Variants in MAGI2 observed in about 807,000 individuals in gnomAD.
The protein encoded by MAGI2 is membrane associated guanylate kinase, WW and PDZ domain containing 2.
MAGI2 carries 35 observed loss-of-function variants against 133.3 expected under a neutral mutation model. The ratio of observed to expected loss-of-function variants is 0.26; its 90% CI spans 0.20 to 0.35. MAGI2 has a LOEUF of 0.35. MAGI2 is among the 10% of genes least tolerant of loss of function. The pLI, the probability that MAGI2 is intolerant of heterozygous loss-of-function variation, is 1.00. For missense variants in MAGI2, 1,636 were observed against 1,863.4 expected, an observed-to-expected ratio of 0.88 and a Z score of 2.25; for synonymous variants, 729 against 710.6, an observed-to-expected ratio of 1.03 and a Z score of -0.41.
intron 1 of MAGI2, among the ~76,000 whole-genome samples, chr7:79,270,418 A>C (rs1414233222): frequency 6.6e-6 from 1 of 152,180 alleles, no homozygotes; most frequent in African/African-American, 2.4e-5. Flanking sequence ...TTCCTAACTG[A>C]GAGAAGTCAT....
intron 1 of MAGI2, among the ~76,000 whole-genome samples, chr7:79,416,956 A>T (rs1846575862): frequency 6.6e-6 from 1 of 150,984 alleles, no homozygotes; most frequent in South Asian, 2.1e-4. Flanking sequence ...CTGGTCTCTT[A>T]CTCCGGATCT....
intron 1 of MAGI2, among the ~76,000 whole-genome samples, chr7:79,382,001 T>C (rs890030332): frequency 6.6e-6 from 1 of 151,690 alleles, no homozygotes; most frequent in Non-Finnish European, 1.5e-5. Context: ...CATGACAACA[T>C]TGGTGCTGGT....
At chr7:79,009,794 C>T (rs1396020408) in intron 1 of MAGI2, among the ~76,000 whole-genome samples, 3 of 152,024 alleles carry the variant, frequency 2.0e-5, no homozygotes, top group Non-Finnish European at 4.4e-5. Flanking sequence ...ATATTCTGAC[C>T]ATGAAGTGAA....
chr7:78,096,587 G>C (rs1254519890), intron 20 of MAGI2, among the ~76,000 whole-genome samples: 1 of 152,138 alleles, frequency 6.6e-6, no homozygotes, highest in African/African-American at 2.4e-5. Flanking sequence ...TTTAGAGTAG[G>C]GGTTGGTAAA....
chr7:79,270,086 A>T (rs955084083), intron 1 of MAGI2, among the ~76,000 whole-genome samples: 1 of 151,922 alleles, frequency 6.6e-6, no homozygotes, highest in Admixed American at 6.6e-5. Flanking sequence ...ATGACGCATG[A>T]CTCAACCTGT....
At chr7:79,237,197 G>T (rs1450670570) in intron 1 of MAGI2, among the ~76,000 whole-genome samples, 1 of 152,180 alleles carries the variant, frequency 6.6e-6, no homozygotes, top group Non-Finnish European at 1.5e-5. Flanking sequence ...TTTCTGATTA[G>T]AAAAGTTTTA....
chr7:78,983,866 C>T (rs922364277), intron 2 of MAGI2, among the ~76,000 whole-genome samples: 1 of 151,908 alleles, frequency 6.6e-6, no homozygotes, highest in African/African-American at 2.4e-5. Context: ...GTAATCTTAT[C>T]TATTTCCCTG....
At chr7:79,183,362 A>G (rs1826785232) in intron 1 of MAGI2, among the ~76,000 whole-genome samples, 1 of 151,924 alleles carries the variant, frequency 6.6e-6, no homozygotes, top group Non-Finnish European at 1.5e-5. Flanking sequence ...AAATTTTAAA[A>G]GATATAAAAC....
chr7:79,097,008 C>G (rs1279357256), intron 1 of MAGI2, among the ~76,000 whole-genome samples: 2 of 152,052 alleles, frequency 1.3e-5, no homozygotes, highest in Non-Finnish European at 2.9e-5. Context: ...CTGATAGTCA[C>G]TAAATAAAGG....
At chr7:78,127,122 G>T in intron 19 of MAGI2, 75 bp downstream of exon 19, 3 of 1,186,300 alleles carry the variant, frequency 2.5e-6, no homozygotes, top group Non-Finnish European at 3.6e-6. Flanking sequence ...TCTTTCCTCT[G>T]CCTCTCCTAT....
intron 3 of MAGI2, among the ~76,000 whole-genome samples, chr7:78,589,490 T>C (rs1803766930): frequency 6.6e-6 from 1 of 152,210 alleles, no homozygotes; most frequent in African/African-American, 2.4e-5. Flanking sequence ...TATCCTATAT[T>C]ACCACTCCAC....
At chr7:78,793,430 C>T (rs764890413) in intron 2 of MAGI2, among the ~76,000 whole-genome samples, 1 of 152,168 alleles carries the variant, frequency 6.6e-6, no homozygotes, top group African/African-American at 2.4e-5. Context: ...ATACACCAGA[C>T]AGCCTCCCAC....
intron 2 of MAGI2, among the ~76,000 whole-genome samples, chr7:78,711,538 A>G (rs1819189378): frequency 6.6e-6 from 1 of 152,066 alleles, no homozygotes; most frequent in African/African-American, 2.4e-5. Flanking sequence ...CCTTAGAGCC[A>G]TATTTTCTGA....
chr7:78,983,643 T>C (rs969560054), intron 2 of MAGI2, among the ~76,000 whole-genome samples: 1 of 152,024 alleles, frequency 6.6e-6, no homozygotes, highest in Non-Finnish European at 1.5e-5. Flanking sequence ...ATAGCTTTAA[T>C]ACTTGCCCTC....
chr7:79,178,774 A>T (rs1045026335), intron 1 of MAGI2, among the ~76,000 whole-genome samples: 6 of 151,772 alleles, frequency 4.0e-5, no homozygotes, highest in African/African-American at 1.5e-4. Context: ...CATCAAATTA[A>T]TTTTTTTTGT....
intron 3 of MAGI2, among the ~76,000 whole-genome samples, chr7:78,623,651 A>C (rs994664932): frequency 6.6e-6 from 1 of 152,126 alleles, no homozygotes; most frequent in African/African-American, 2.4e-5. Context: ...TCTCAGCCGC[A>C]ATTTAGGCAA....
chr7:79,378,536 T>C (rs938986879), intron 1 of MAGI2, among the ~76,000 whole-genome samples: 2 of 151,532 alleles, frequency 1.3e-5, no homozygotes, highest in Non-Finnish European at 3.0e-5. Context: ...TTTTTTTTAA[T>C]GGAAGAATCA....
At chr7:78,344,000 T>A in intron 8 of MAGI2, 40 bp from the exon 9 acceptor site, 1 of 1,575,994 alleles carries the variant, frequency 6.3e-7, no homozygotes. Flanking sequence ...AAAAGGCATG[T>A]TCAAGTCAAG....
chr7:79,053,652 T>C (rs1402885976), intron 1 of MAGI2, among the ~76,000 whole-genome samples: 1 of 152,206 alleles, frequency 6.6e-6, no homozygotes, highest in East Asian at 1.9e-4. Context: ...ACACATGTAA[T>C]GTAATCATTC....
Sources: allele counts gnomAD v4.1 joint callset (sites outside exome capture counted in the v4.1 genomes callset), GRCh38; gene constraint gnomAD v4.1.1; transcripts MANE v1.5; gene names NCBI Gene and HGNC (gene_info 2026-07-23, HGNC 2026-07-21).